The following DCLK1 variants were observed in gnomAD, a reference collection of about 807,000 sequenced individuals.
DCLK1 encodes doublecortin like kinase 1, also known as serine/threonine-protein kinase DCLK1.
A neutral mutation model predicts 86.2 loss-of-function variants in DCLK1; 16 were observed. The observed-to-expected ratio is 0.19, with a 90% confidence interval of 0.13 to 0.28. The LOEUF is 0.28. DCLK1 is among the 10% of genes least tolerant of loss of function. DCLK1 has a pLI of 1.00. For synonymous variants in DCLK1, 369 were observed against 370.5 expected (o/e 1.00, Z 0.05); for missense variants, 590 against 940.2 (o/e 0.63, Z 4.87).
At chr13:36,099,943 C>T (rs1885143638) in intron 3 of DCLK1, among the ~76,000 whole-genome samples, 7 of 152,096 alleles carry the variant, frequency 4.6e-5, no homozygotes, top group Admixed American at 3.9e-4. Flanking sequence ...TTGCCAAATG[C>T]AGCAAGGATT....
intron 4 of DCLK1, among the ~76,000 whole-genome samples, chr13:35,916,469 C>T (rs1028992625): frequency 6.6e-6 from 1 of 152,148 alleles, no homozygotes; most frequent in Non-Finnish European, 1.5e-5. Context: ...TTTCCTTCCC[C>T]CATGTAAGAA....
chr13:36,089,278 C>A (rs1178580771), intron 3 of DCLK1, among the ~76,000 whole-genome samples: 2 of 152,132 alleles, frequency 1.3e-5, no homozygotes, highest in Non-Finnish European at 1.5e-5. Context: ...GATGAGAAAA[C>A]CTCACATTAC....
intron 3 of DCLK1, among the ~76,000 whole-genome samples, chr13:35,997,073 G>C (rs867801785): frequency 6.6e-6 from 1 of 152,310 alleles, no homozygotes; most frequent in African/African-American, 2.4e-5. Flanking sequence ...AGGTAGGATG[G>C]AAAAAGCCAA....
intron 16 of DCLK1, among the ~76,000 whole-genome samples, chr13:35,778,446 C>T (rs914352629): frequency 6.6e-6 from 1 of 152,140 alleles, no homozygotes. Context: ...TTGCATACCT[C>T]CTCACTCCCA....
At chr13:35,960,782 A>T (rs150784880) in intron 3 of DCLK1, among the ~76,000 whole-genome samples, 2 of 152,232 alleles carry the variant, frequency 1.3e-5, no homozygotes, top group Non-Finnish European at 2.9e-5. Flanking sequence ...CTTTCCACAA[A>T]TAATTTCTAA....
At chr13:35,889,255 C>T (rs1873487444) in intron 4 of DCLK1, among the ~76,000 whole-genome samples, 8 of 152,214 alleles carry the variant, frequency 5.3e-5, no homozygotes, top group Admixed American at 5.2e-4. Context: ...ATCAACCCTT[C>T]ATGCATAATT....
chr13:35,862,722 C>T (rs1368586756), intron 5 of DCLK1, among the ~76,000 whole-genome samples: 2 of 152,138 alleles, frequency 1.3e-5, no homozygotes, highest in Admixed American at 6.5e-5. Context: ...CCTAACTATG[C>T]CATATAGTTT....
chr13:35,950,766 G>T (rs1467335587), intron 3 of DCLK1, among the ~76,000 whole-genome samples: 1 of 152,096 alleles, frequency 6.6e-6, no homozygotes, highest in Non-Finnish European at 1.5e-5. Flanking sequence ...ACCTTTCCAA[G>T]CTTTTCTGTT....
chr13:35,831,710 CCT>C (rs1407474857), intron 8 of DCLK1, among the ~76,000 whole-genome samples: 1 of 151,966 alleles, frequency 6.6e-6, no homozygotes, highest in East Asian at 1.9e-4. Context: ...TTTACAGAAC[CCT>C]CTTTACCACA....
At chr13:35,844,516 T>A (rs1291170058) in intron 6 of DCLK1, among the ~76,000 whole-genome samples, 1 of 152,168 alleles carries the variant, frequency 6.6e-6, no homozygotes, top group African/African-American at 2.4e-5. Flanking sequence ...CTTGTGTCAT[T>A]GGGTAGTCAC....
chr13:35,887,993 T>C (rs566299243), intron 4 of DCLK1, among the ~76,000 whole-genome samples: 2 of 150,990 alleles, frequency 1.3e-5, no homozygotes, highest in East Asian at 2.0e-4. Context: ...ATTCCAACAA[T>C]TTCTAAACAA....
At chr13:35,829,212 G>A (rs1186274585) in intron 8 of DCLK1, among the ~76,000 whole-genome samples, 2 of 152,154 alleles carry the variant, frequency 1.3e-5, no homozygotes, top group African/African-American at 2.4e-5. Context: ...GGATTTAGTC[G>A]TATCGCTACC....
chr13:36,095,912 T>C (rs981749895), intron 3 of DCLK1, among the ~76,000 whole-genome samples: 2 of 152,212 alleles, frequency 1.3e-5, no homozygotes, highest in African/African-American at 4.8e-5. Context: ...TATTTTCTGT[T>C]GTCAGCTTTA....
intron 11 of DCLK1, among the ~76,000 whole-genome samples, chr13:35,811,317 T>G (rs1328411655): frequency 1.3e-5 from 2 of 151,602 alleles, no homozygotes; most frequent in Middle Eastern, 3.2e-3. Context: ...AAAATGTCCA[T>G]TAAAGAAAAA....
intron 4 of DCLK1, among the ~76,000 whole-genome samples, chr13:35,935,762 A>T (rs553876180): frequency 6.6e-6 from 1 of 152,348 alleles, no homozygotes; most frequent in South Asian, 2.1e-4. Context: ...ATTGTCAAAC[A>T]AAGACAAACT....
intron 3 of DCLK1, among the ~76,000 whole-genome samples, chr13:36,062,794 AC>A (rs1436628538): frequency 6.6e-6 from 1 of 152,196 alleles, no homozygotes; most frequent in Non-Finnish European, 1.5e-5. Flanking sequence ...GACTGGATCT[AC>A]CTTAAATAAA....
intron 15 of DCLK1, among the ~76,000 whole-genome samples, chr13:35,798,264 A>G (rs565312980): frequency 1.3e-5 from 2 of 152,300 alleles, no homozygotes; most frequent in Non-Finnish European, 2.9e-5. Context: ...TCTGTAGTGT[A>G]GAATTCCTCG....
At chr13:35,858,369 G>A (rs1871198023) in intron 5 of DCLK1, among the ~76,000 whole-genome samples, 1 of 152,178 alleles carries the variant, frequency 6.6e-6, no homozygotes, top group Non-Finnish European at 1.5e-5. Context: ...AGCACCTTAG[G>A]TAACATCAGT....
intron 4 of DCLK1, among the ~76,000 whole-genome samples, chr13:35,915,814 G>A (rs1875370210): frequency 6.6e-6 from 1 of 152,168 alleles, no homozygotes; most frequent in South Asian, 2.1e-4. Flanking sequence ...TCAAAGAAAT[G>A]TTGAGTTACT....
Sources: allele counts gnomAD v4.1 joint callset (sites outside exome capture counted in the v4.1 genomes callset), GRCh38; gene constraint gnomAD v4.1.1; transcripts MANE v1.5; gene names NCBI Gene and HGNC (gene_info 2026-07-23, HGNC 2026-07-21).